The following RBFOX1 variants were observed in gnomAD, a reference collection of about 807,000 sequenced individuals.
RBFOX1 encodes RNA binding fox-1 homolog 1, also known as RNA binding protein fox-1 homolog 1.
In RBFOX1, 8 loss-of-function variants were observed where a neutral mutation model predicts 57.7. That is an observed-to-expected ratio of 0.14 (90% confidence interval 0.08 to 0.25). The LOEUF is 0.25. Ranked by LOEUF, RBFOX1 falls within the 10% of genes least tolerant of loss-of-function variation. RBFOX1 has a pLI of 1.00. For synonymous variants in RBFOX1, 326 were observed against 222.4 expected (o/e 1.47, Z -4.15); for missense variants, 611 against 548.5 (o/e 1.11, Z -1.14).
chr16:7,002,237 G>C (rs939428210), intron 3 of RBFOX1, among the ~76,000 whole-genome samples: 2 of 152,174 alleles, frequency 1.3e-5, no homozygotes. Context: ...TGAGGCCCTG[G>C]ATACAGCGGT....
intron 1 of RBFOX1, among the ~76,000 whole-genome samples, chr16:6,113,594 T>G (rs1216950487): frequency 6.6e-6 from 1 of 152,144 alleles, no homozygotes. Context: ...CCGCATTTGT[T>G]GATATTGAAG....
intron 2 of RBFOX1, among the ~76,000 whole-genome samples, chr16:6,587,037 A>G (rs1300565938): frequency 6.6e-6 from 1 of 152,010 alleles, no homozygotes; most frequent in Non-Finnish European, 1.5e-5. Context: ...TGTTGAGAAC[A>G]CTTAAAATCT....
At chr16:7,585,208 A>G (rs563409910) in intron 6 of RBFOX1, among the ~76,000 whole-genome samples, 1 of 152,260 alleles carries the variant, frequency 6.6e-6, no homozygotes, top group East Asian at 1.9e-4. Context: ...GGAGTTCACA[A>G]AACTGGAGGT....
At chr16:5,509,362 G>A (rs367576734) in intron 2 of RBFOX1, among the ~76,000 whole-genome samples, 16 of 152,096 alleles carry the variant, frequency 1.1e-4, no homozygotes, top group African/African-American at 3.1e-4. Flanking sequence ...GAGGAGAAGC[G>A]GGTGATCTCC....
intron 3 of RBFOX1, among the ~76,000 whole-genome samples, chr16:6,889,095 A>C (rs1036486046): frequency 1.3e-5 from 2 of 152,190 alleles, no homozygotes; most frequent in Non-Finnish European, 2.9e-5. Flanking sequence ...GAGGGATATC[A>C]CAGTGGACAA....
At chr16:7,687,903 C>T (rs2076407563) in intron 14 of RBFOX1, among the ~76,000 whole-genome samples, 1 of 151,918 alleles carries the variant, frequency 6.6e-6, no homozygotes, top group South Asian at 2.1e-4. Context: ...GAATCAACCC[C>T]AGGGGTTTTT....
intron 1 of RBFOX1, among the ~76,000 whole-genome samples, chr16:5,460,049 A>G (rs758241401): frequency 2.0e-5 from 3 of 150,500 alleles, no homozygotes; most frequent in Admixed American, 6.6e-5. Context: ...CTAAAAGTCA[A>G]TGATGAGTCT....
At chr16:6,450,827 A>ATG (rs1272807125) in intron 2 of RBFOX1, among the ~76,000 whole-genome samples, 1,228 of 35,762 alleles carry the variant, frequency 0.034, 206 homozygotes, top group East Asian at 0.17. Flanking sequence ...ACATATATAT[A>ATG]TATATATATG....
chr16:7,375,173 C>G (rs530206259), intron 4 of RBFOX1, among the ~76,000 whole-genome samples: 1 of 152,336 alleles, frequency 6.6e-6, no homozygotes, highest in Admixed American at 6.5e-5. Flanking sequence ...ATCATTATCC[C>G]TACCCTATGA....
intron 3 of RBFOX1, among the ~76,000 whole-genome samples, chr16:5,676,948 T>C (rs950517086): frequency 6.6e-6 from 1 of 152,244 alleles, no homozygotes; most frequent in Non-Finnish European, 1.5e-5. Flanking sequence ...TGTACATTGA[T>C]GAACCAACCT....
At chr16:6,146,848 C>T (rs1166246092) in intron 1 of RBFOX1, among the ~76,000 whole-genome samples, 1 of 152,138 alleles carries the variant, frequency 6.6e-6, no homozygotes, top group Non-Finnish European at 1.5e-5. Flanking sequence ...CACCTCGTTG[C>T]AGAAACATGG....
At chr16:5,480,197 C>T (rs184914158) in intron 2 of RBFOX1, among the ~76,000 whole-genome samples, 1 of 152,156 alleles carries the variant, frequency 6.6e-6, no homozygotes, top group Non-Finnish European at 1.5e-5. Context: ...AAAGAAATCC[C>T]TGCTGTGCTC....
intron 1 of RBFOX1, among the ~76,000 whole-genome samples, chr16:5,434,353 A>T (rs772303124): frequency 1.0e-5 from 1 of 96,130 alleles, no homozygotes. Flanking sequence ...GCAGGGTCTT[A>T]CTATGTTACC....
At chr16:5,301,211 C>T (rs1213142924) in intron 1 of RBFOX1, among the ~76,000 whole-genome samples, 1 of 152,220 alleles carries the variant, frequency 6.6e-6, no homozygotes, top group Non-Finnish European at 1.5e-5. Context: ...TGGAAGCCAG[C>T]TACCACCATG....
At chr16:5,467,466 A>C (rs780203641) in intron 2 of RBFOX1, among the ~76,000 whole-genome samples, 14 of 152,198 alleles carry the variant, frequency 9.2e-5, no homozygotes, top group Non-Finnish European at 1.9e-4. Flanking sequence ...TCTTTAATGT[A>C]TGAGCTCCAG....
chr16:6,563,888 G>A (rs2097219190), intron 2 of RBFOX1, among the ~76,000 whole-genome samples: 2 of 151,844 alleles, frequency 1.3e-5, no homozygotes, highest in South Asian at 4.2e-4. Context: ...ATGTGTGTGT[G>A]TGTATATGTG....
intron 11 of RBFOX1, among the ~76,000 whole-genome samples, chr16:7,633,067 C>A (rs1596958150): frequency 6.6e-6 from 1 of 152,124 alleles, no homozygotes; most frequent in East Asian, 1.9e-4. Flanking sequence ...CAAGCCAGCC[C>A]ATGGCCTGTG....
chr16:7,120,138 A>G (rs2151780781), intron 4 of RBFOX1, among the ~76,000 whole-genome samples: 1 of 152,242 alleles, frequency 6.6e-6, no homozygotes, highest in Non-Finnish European at 1.5e-5. Context: ...GAATTATAGA[A>G]CTTAAATGAA....
At chr16:7,043,197 CTCCACTGCT>C (rs2046768129) in intron 3 of RBFOX1, among the ~76,000 whole-genome samples, 2 of 152,146 alleles carry the variant, frequency 1.3e-5, no homozygotes, top group Non-Finnish European at 2.9e-5. Flanking sequence ...CTGATGTCTC[CTCCACTGCT>C]TCCCGTCCTT....
Sources: gnomAD v4.1 joint callset for allele counts (sites outside exome capture counted in the v4.1 genomes callset) on GRCh38, gnomAD v4.1.1 for gene constraint, MANE v1.5 for transcripts, NCBI Gene and HGNC (gene_info 2026-07-23, HGNC 2026-07-21) for gene names.